NEUROD1: variants seen among roughly 807,000 people sequenced by gnomAD.
NEUROD1 encodes neuronal differentiation 1.
In NEUROD1, 9 loss-of-function variants were observed where a neutral mutation model predicts 21.8. The observed-to-expected ratio is 0.41, with a 90% CI of 0.25 to 0.72. The LOEUF (loss-of-function observed/expected upper bound fraction) is 0.72, where lower values mean the gene tolerates loss of function less well. Among genes scored for constraint, NEUROD1 ranks in the 30% least tolerant of loss-of-function variants. NEUROD1 has a pLI of 0.31. For synonymous variants in NEUROD1, 199 were observed against 186.2 expected (o/e 1.07, Z -0.56); for missense variants, 434 against 468.8 (o/e 0.93, Z 0.69).
At chr2:181,670,970 GGA>G (rs1232016318) in exon 2 of NEUROD1, among the ~76,000 whole-genome samples, 2 of 150,946 alleles carry the variant, frequency 1.3e-5, no homozygotes, top group Non-Finnish European at 2.9e-5. Flanking sequence ...CATAAATTTG[GGA>G]GAGAGGTGGG....
downstream of NEUROD1, chr2:181,676,347 C>CT (rs1380471815): frequency 6.6e-6 from 1 of 152,472 alleles, no homozygotes; most frequent in Non-Finnish European, 1.5e-5. Flanking sequence ...CCAAGGTAAA[C>CT]TTTTTTCTTT....
intron 1 of NEUROD1, among the ~76,000 whole-genome samples, chr2:181,679,943 C>T (rs548030706): frequency 3.3e-4 from 51 of 152,366 alleles, no homozygotes; most frequent in African/African-American, 1.2e-3. Flanking sequence ...TAAACTATCT[C>T]TGAACCTGAT....
At chr2:181,679,269 TAAA>T (rs35681168) in intron 1 of NEUROD1, among the ~76,000 whole-genome samples, 1 of 136,916 alleles carries the variant, frequency 7.3e-6, no homozygotes, top group African/African-American at 2.6e-5. Context: ...CACAACTCCA[TAAA>T]AAAAAAAAAA....
chr2:181,676,606 T>C lies in NEUROD1; in HGVS notation c.*1184A>G, dbSNP rs1219013578. 1 of 152,648 alleles carries C rather than the reference T, an allele frequency of 6.6e-6. No individual in the cohort carries two copies. The highest frequency in any genetic ancestry group is 6.5e-5 in the Admixed American group (1 of 15,286). The allele number at this position is 152,648 out of a possible 1,614,324, so 9.5% of individuals were successfully genotyped here. ...AGCATCACATCTCAAACAGCACTTA[T>C]TCTGGACTGCATTTTACATGCAATA... On this transcript the variant is annotated 3_prime_UTR_variant, in exon 2 of 2. Coordinates refer to ENST00000295108, the MANE Select transcript of NEUROD1 (RefSeq NM_002500.5).
chr2:181,678,779 T>C lies in NEUROD1; in HGVS notation c.82A>G (p.Ser28Gly), dbSNP rs573829064. 6.2e-7 allele frequency: 1 copy of C among 1,613,596 alleles called. No individual in the cohort carries two copies. The change falls in exon 2 of 2, where the codon AGT (serine) becomes GGT (glycine). Residue 28 changes from serine to glycine, a missense_variant. Coordinates refer to ENST00000295108, the MANE Select transcript of NEUROD1 (RefSeq NM_002500.5). The surrounding 1 kb of genome is among the most constrained non-coding windows in gnomAD (Gnocchi z 5.5). ...GPPSWTDECL[S>G]SQDEEHEADK... ...GCCTCGTGCTCCTCGTCCTGAGAAC[T>C]GAGACACTCGTCTGTCCAGCTTGGA...
chr2:181,679,817 A>G (rs1352093747), intron 1 of NEUROD1, among the ~76,000 whole-genome samples: 3 of 152,244 alleles, frequency 2.0e-5, no homozygotes, highest in African/African-American at 7.2e-5. Context: ...AGCCTTTAGT[A>G]AAACAACTGA....
In NEUROD1 at chr2:181,678,526, T is replaced by G; in HGVS notation, c.335A>C (p.Asn112Thr). ...RRMKANARERNRMHGLNAALD... is the reference protein window; with the variant it reads ...RRMKANARERTRMHGLNAALD... The stretch of plus-strand genomic sequence containing the variant: ...CGCCGCGTTCAGTCCGTGCATGCGG[T>G]TCCGCTCCCGGGCGTTAGCCTTCAT... Residue 112 changes from asparagine to threonine, a missense_variant, in exon 2 of 2, where the codon AAC becomes ACC. Asn to Thr is a moderately conservative substitution (Grantham distance 65). Transcript: ENST00000295108. This position sits in a 1 kb window ranked among gnomAD's most constrained non-coding sequence, Gnocchi z 5.5. 1 of 1,614,232 alleles carries G rather than the reference T, an allele frequency of 6.2e-7. No individual in the cohort carries two copies. Among genetic ancestry groups the G allele is most frequent in the East Asian group, 2.2e-5 (1 of 44,884 alleles).
At position 181,678,818 on chromosome 2, in the gene NEUROD1, G is replaced by A. The variant is rs1688644069; in HGVS notation, c.43C>T (p.Gln15Ter). The A allele has an allele frequency of 1.2e-6, 2 of 1,614,136 alleles. No individual in the cohort carries two copies. The highest frequency in any genetic ancestry group is 1.7e-6 in the Non-Finnish European group (2 of 1,180,030). Residue 15 changes from glutamine (Q) to a stop codon, truncating the protein, a stop_gained, in exon 2 of 2, where the codon CAG becomes TAG. Coordinates refer to ENST00000295108, the MANE Select transcript of NEUROD1 (RefSeq NM_002500.5). LOFTEE classifies it high-confidence loss of function. The surrounding 1 kb of genome is among the most constrained non-coding windows in gnomAD (Gnocchi z 5.5). ...YSESGLMGEP[Q>*]PQGPPSWTDE... The stretch of plus-strand genomic sequence containing the variant: ...GTCCAGCTTGGAGGACCTTGGGGCT[G>A]AGGCTCGCCCATCAGCCCACTCTCG...
chr2:181,677,651 AATAAATAC>A lies in NEUROD1; in HGVS notation c.*131_*138del. 1 of 1,495,336 alleles carries A rather than the reference AATAAATAC, an allele frequency of 6.7e-7. No individual in the cohort carries two copies. Among genetic ancestry groups the A allele is most frequent in the Non-Finnish European group, 9.1e-7 (1 of 1,097,136 alleles). The allele number at this position is 1,495,336 out of a possible 1,614,324, so 92.6% of individuals were successfully genotyped here. ...TGTTTCTTCCAAAGGCAGTAATGAC[AATAAATAC>A]ATATATCACTTGAAGCTTGGAGTAT... On this transcript the variant is annotated 3_prime_UTR_variant, in exon 2 of 2. Transcript: ENST00000295108.
In NEUROD1 at chr2:181,676,891, A is replaced by G. The variant is rs1371581916; in HGVS notation, c.*899T>C. The stretch of plus-strand genomic sequence containing the variant: ...TAAAAGACTAAAAAGTAACAGTGCA[A>G]ATTGTATGTGATAGTCAAGCAGCTT... On this transcript the variant is annotated 3_prime_UTR_variant, in exon 2 of 2. Coordinates refer to ENST00000295108, the MANE Select transcript of NEUROD1 (RefSeq NM_002500.5). 6.6e-6 allele frequency: 1 copy of G among 152,570 alleles called. No homozygotes were observed. The highest frequency in any genetic ancestry group is 1.5e-5 in the Non-Finnish European group (1 of 68,000). 9.5% of individuals were successfully genotyped at this position (152,570 alleles called of 1,614,324 possible). A position where few individuals can be genotyped will look rare whatever the true frequency, so the allele number is the denominator to read the frequency against.
chr2:181,677,680 A>G lies in NEUROD1; in HGVS notation c.*110T>C. On this transcript the variant is annotated 3_prime_UTR_variant, in exon 2 of 2. Coordinates refer to ENST00000295108, the MANE Select transcript of NEUROD1 (RefSeq NM_002500.5). ...AATACATATATCACTTGAAGCTTGG[A>G]GTATTTGCACTTTGCAGCAGTAGTA... 1 of 1,590,986 alleles carries G rather than the reference A, an allele frequency of 6.3e-7. No individual in the cohort carries two copies. Among genetic ancestry groups the G allele is most frequent in the East Asian group, 2.2e-5 (1 of 44,778 alleles).
At chr2:181,680,385 T>G (rs895140903) in intron 1 of NEUROD1, 45 bp downstream of exon 1, 14 of 152,380 alleles carry the variant, frequency 9.2e-5, no homozygotes, top group African/African-American at 2.9e-4. Context: ...AGTCTTCAGT[T>G]ATTGCTTCTA....
downstream of NEUROD1, chr2:181,676,359 C>A (rs2105592070): frequency 6.6e-6 from 1 of 152,568 alleles, no homozygotes; most frequent in Non-Finnish European, 1.5e-5. Flanking sequence ...TTTTTCTTTT[C>A]TTTTATTCTA....
At chr2:181,672,059 G>C (rs997841058), downstream of NEUROD1, among the ~76,000 whole-genome samples, 1 of 152,030 alleles carries the variant, frequency 6.6e-6, no homozygotes. Flanking sequence ...ATTACTGAAA[G>C]AATAATGAAC....
chr2:181,678,178 C>T lies in NEUROD1; in HGVS notation c.683G>A (p.Ser228Asn). Residue 228 changes from serine to asparagine, a missense_variant, in exon 2 of 2, where the codon AGT (serine) becomes AAT (asparagine). Transcript: ENST00000295108. This position sits in a 1 kb window ranked among gnomAD's most constrained non-coding sequence, Gnocchi z 5.5. The stretch of plus-strand genomic sequence containing the variant: ...GCTGTCCATGGTACCGTAAGGCGGA[C>T]TGGGCAGCCCAGGCGACTGGTAGGA... ...PYSYQSPGLPSPPYGTMDSSH... is the reference protein window; with the variant it reads ...PYSYQSPGLPNPPYGTMDSSH... 1 of 1,614,144 alleles carries T rather than the reference C, an allele frequency of 6.2e-7. No homozygotes were observed. Among genetic ancestry groups the T allele is most frequent in the Non-Finnish European group, 8.5e-7 (1 of 1,180,020 alleles).
chr2:181,674,462 G>C (rs777441385), downstream of NEUROD1, among the ~76,000 whole-genome samples: 2 of 151,930 alleles, frequency 1.3e-5, no homozygotes, highest in South Asian at 4.1e-4. Context: ...TTTAAATATG[G>C]GTAGGAATTC....
downstream of NEUROD1, among the ~76,000 whole-genome samples, chr2:181,668,314 C>A (rs1428160093): frequency 6.6e-6 from 1 of 152,080 alleles, no homozygotes; most frequent in Non-Finnish European, 1.5e-5. Flanking sequence ...TTGATTGAGG[C>A]TTGCCCTTAT....
At chr2:181,670,284 G>C (rs896123606), downstream of NEUROD1, among the ~76,000 whole-genome samples, 1 of 152,122 alleles carries the variant, frequency 6.6e-6, no homozygotes, top group Non-Finnish European at 1.5e-5. Context: ...ACTAAATGTA[G>C]ATGTCAGTTT....
Position 181,677,461 on chromosome 2 carries a change from A to T in NEUROD1, c.*329T>A. ...CTAGTTTAAAAATTGCATAGATCCT[A>T]ATTATTGCTTGTGATTTTGTTATCC... On this transcript the variant is annotated 3_prime_UTR_variant, in exon 2 of 2. Transcript: ENST00000295108. The T allele has an allele frequency of 4.3e-6, 1 of 233,868 alleles. No homozygotes were observed. Among genetic ancestry groups the T allele is most frequent in the Non-Finnish European group, 8.5e-6 (1 of 117,594 alleles). 14.5% of individuals were successfully genotyped at this position (233,868 alleles called of 1,614,324 possible).
Sources: gnomAD v4.1 joint callset for allele counts (sites outside exome capture counted in the v4.1 genomes callset) on GRCh38, gnomAD v4.1.1 for gene constraint, Gnocchi (gnomAD v3.1) non-coding constraint, MANE v1.5 for transcripts, NCBI Gene and HGNC (gene_info 2026-07-23, HGNC 2026-07-21) for gene names.